The following KLHL29 variants were observed in gnomAD, a reference collection of about 807,000 sequenced individuals.
KLHL29 encodes the protein kelch like family member 29, also known as kelch-like protein 29.
A neutral mutation model predicts 80.4 loss-of-function variants in KLHL29; 21 were observed. That is an observed-to-expected ratio of 0.26 (90% CI 0.19 to 0.38). KLHL29 has a LOEUF of 0.38. Ranked by LOEUF, KLHL29 falls within the 10% of genes least tolerant of loss-of-function variation. The probability of loss-of-function intolerance (pLI) is 1.00; values close to 1 mark genes in which losing one functional copy is unlikely to be tolerated. For missense variants in KLHL29, 867 were observed against 1,223.9 expected, an observed-to-expected ratio of 0.71 and a Z score of 4.35; for synonymous variants, 511 against 526.8, an observed-to-expected ratio of 0.97 and a Z score of 0.41.
chr2:23,682,788 T>A lies in KLHL29; in HGVS notation c.941-1611T>A, dbSNP rs72796110. Among the ~76,000 whole-genome samples, 15,175 of 152,102 alleles carry A rather than the reference T, an allele frequency of 0.1. 865 individuals carry two copies. Among genetic ancestry groups the A allele is most frequent in the Middle Eastern group, 0.17 (49 of 294 alleles). On this transcript the variant is annotated intron_variant, in intron 5 of 13. Transcript: ENST00000486442. This position sits in a 1 kb window ranked among gnomAD's most constrained non-coding sequence, Gnocchi z 4.1. ...CGGGTCTGAGCTCACCCCACGTAGA[T>A]CCTTCCTGAAGTCCCAGCCAGAGCC... is the stretch of plus-strand genomic sequence containing the variant.
At chr2:23,542,362 C>G (rs944004113) in intron 2 of KLHL29, among the ~76,000 whole-genome samples, 3 of 152,132 alleles carry the variant, frequency 2.0e-5, no homozygotes, top group Admixed American at 1.3e-4. Flanking sequence ...TGAGAGGGCT[C>G]CATCTGCACA....
chr2:23,651,531 C>A (rs963413033), intron 5 of KLHL29, among the ~76,000 whole-genome samples: 1 of 152,214 alleles, frequency 6.6e-6, no homozygotes, highest in Non-Finnish European at 1.5e-5. Context: ...GGCGTGTCTT[C>A]CCTGGTCATG....
chr2:23,704,270 C>T (rs1172509253), intron 13 of KLHL29, among the ~76,000 whole-genome samples: 1 of 152,202 alleles, frequency 6.6e-6, no homozygotes, highest in Non-Finnish European at 1.5e-5. Flanking sequence ...AGGACATGAA[C>T]GATCCTGATG....
chr2:23,492,394 C>T (rs569984735), intron 2 of KLHL29, among the ~76,000 whole-genome samples: 49 of 152,340 alleles, frequency 3.2e-4, no homozygotes, highest in South Asian at 4.1e-4. Flanking sequence ...TCTTCACCCC[C>T]GCTTCTGAAA....
chr2:23,460,787 C>T lies in KLHL29; in HGVS notation c.-153-14773C>T, dbSNP rs987107273. 2.0e-5 allele frequency among the ~76,000 whole-genome samples: 3 copies of T among 150,764 alleles called. No individual in the cohort carries two copies. In the East Asian group the frequency reaches 5.9e-4, roughly 30 times the overall value. On this transcript the variant is annotated intron_variant, in intron 1 of 13. Coordinates refer to ENST00000486442, the MANE Select transcript of KLHL29 (RefSeq NM_052920.2). ...GCATCGTGCAAACTCAGGAGCTTCC[C>T]GTGAAGGGAGCATCGTGCAAGCTCA...
In KLHL29 at chr2:23,577,764, A is replaced by T. The variant is rs186290788; in HGVS notation, c.285+15283A>T. ...ACTTCATCTCAAAAAAAAAAAAAAG[A>T]AAAGAAAGATCAGTAGGGCTTCCTG... On this transcript the variant is annotated intron_variant, in intron 3 of 13. Coordinates refer to ENST00000486442, the MANE Select transcript of KLHL29 (RefSeq NM_052920.2). Among the ~76,000 whole-genome samples the T allele has an allele frequency of 5.0e-3, 751 of 151,088 alleles. 5 individuals carry two copies. Among genetic ancestry groups the T allele is most frequent in the African/African-American group, 0.017 (718 of 41,302 alleles).
intron 1 of KLHL29, among the ~76,000 whole-genome samples, chr2:23,429,626 G>A (rs1281904045): frequency 6.6e-6 from 1 of 152,088 alleles, no homozygotes; most frequent in African/African-American, 2.4e-5. Context: ...GGTGGCGGAC[G>A]CCTGTAATCT....
Position 23,640,315 on chromosome 2 carries a change from G to A in KLHL29, c.427+1035G>A, listed in dbSNP as rs760760696. Among the ~76,000 whole-genome samples, 7 of 152,118 alleles carry A rather than the reference G, an allele frequency of 4.6e-5. 1 individual carries two copies. The South Asian group carries it at 8.3e-4, about 18-fold the overall frequency. On this transcript the variant is annotated intron_variant, in intron 4 of 13. Coordinates refer to ENST00000486442, the MANE Select transcript of KLHL29 (RefSeq NM_052920.2). ...CGGATTAAAATGCTGGGAGCTTGGC[G>A]ACATATAACTAGAGACTTCTCTTTA...
intron 1 of KLHL29, among the ~76,000 whole-genome samples, chr2:23,386,215 GC>G (rs1241288844): frequency 2.0e-5 from 3 of 152,082 alleles, no homozygotes; most frequent in Admixed American, 2.0e-4. Context: ...CGGAGGGCTG[GC>G]CCCCAGGGGC....
chr2:23,394,861 C>G (rs1405277311), intron 1 of KLHL29, among the ~76,000 whole-genome samples: 1 of 152,198 alleles, frequency 6.6e-6, no homozygotes, highest in Non-Finnish European at 1.5e-5. Flanking sequence ...GTATCTGACT[C>G]CTTTCTTTGT....
intron 1 of KLHL29, among the ~76,000 whole-genome samples, chr2:23,403,770 C>T (rs111634054): frequency 6.8e-6 from 1 of 146,948 alleles, no homozygotes; most frequent in African/African-American, 2.5e-5. Flanking sequence ...TGTGTGCAGG[C>T]GCAAAAGACA....
chr2:23,703,051 A>G, intron 11 of KLHL29, 135 bp from the exon 12 acceptor site: 2 of 548,660 alleles, frequency 3.6e-6, no homozygotes, highest in Non-Finnish European at 5.8e-6. Context: ...AGTGCCCCCC[A>G]CTGCTGGTGT....
At chr2:23,570,396 A>T (rs1572407687) in intron 3 of KLHL29, among the ~76,000 whole-genome samples, 2 of 152,266 alleles carry the variant, frequency 1.3e-5, no homozygotes, top group South Asian at 2.1e-4. Context: ...CTGTCCCTTG[A>T]CTTAAATTGT....
At chr2:23,691,006 G>T (rs1192478137) in intron 6 of KLHL29, 2 of 153,230 alleles carry the variant, frequency 1.3e-5, no homozygotes, top group Non-Finnish European at 2.9e-5. Context: ...GGCTGTCTGT[G>T]GCGGAAGTCC....
intron 2 of KLHL29, among the ~76,000 whole-genome samples, chr2:23,545,462 G>T (rs917154647): frequency 3.3e-5 from 5 of 152,340 alleles, no homozygotes; most frequent in African/African-American, 1.2e-4. Flanking sequence ...CCTTTCTGCT[G>T]CCTGTTTGCA....
At chr2:23,593,750 C>T (rs1434796692) in intron 3 of KLHL29, among the ~76,000 whole-genome samples, 1 of 152,236 alleles carries the variant, frequency 6.6e-6, no homozygotes, top group Non-Finnish European at 1.5e-5. Flanking sequence ...CTCCCAGGGG[C>T]TGCCCTTACA....
chr2:23,540,689 G>T (rs1484910342), intron 2 of KLHL29, among the ~76,000 whole-genome samples: 1 of 152,184 alleles, frequency 6.6e-6, no homozygotes, highest in Non-Finnish European at 1.5e-5. Flanking sequence ...TAATGGAGAG[G>T]CACAACTCAG....
intron 3 of KLHL29, among the ~76,000 whole-genome samples, chr2:23,585,224 CG>C (rs1449230920): frequency 6.6e-6 from 1 of 152,194 alleles, no homozygotes; most frequent in Non-Finnish European, 1.5e-5. Flanking sequence ...AGTACTCCCA[CG>C]TGCTCGGCAA....
chr2:23,643,140 C>T (rs1267914086), intron 5 of KLHL29: 1 of 564,870 alleles, frequency 1.8e-6, no homozygotes, highest in Non-Finnish European at 3.3e-6. Context: ...CCAGCCCAAG[C>T]CCTGGCCATT....
Sources: gnomAD v4.1 joint callset for allele counts (sites outside exome capture counted in the v4.1 genomes callset) on GRCh38, gnomAD v4.1.1 for gene constraint, Gnocchi (gnomAD v3.1) non-coding constraint, MANE v1.5 for transcripts, NCBI Gene and HGNC (gene_info 2026-07-23, HGNC 2026-07-21) for gene names.